The following CDH13 variants were observed in gnomAD, a reference collection of about 807,000 sequenced individuals.
CDH13 encodes the protein cadherin-13.
A neutral mutation model predicts 63.8 loss-of-function variants in CDH13; 24 were observed. The ratio of observed to expected loss-of-function variants is 0.38; its 90% confidence interval spans 0.27 to 0.53. The LOEUF (loss-of-function observed/expected upper bound fraction) is 0.53. Ranked by LOEUF, CDH13 falls within the 20% of genes least tolerant of loss-of-function variation. The pLI, the probability that CDH13 is intolerant of heterozygous loss-of-function variation, is 0.85. For missense variants in CDH13, 1,049 were observed against 903.1 expected (o/e 1.16, Z -2.07); for synonymous variants, 503 against 355.3 (o/e 1.42, Z -4.67).
intron 8 of CDH13, among the ~76,000 whole-genome samples, chr16:83,647,674 T>C (rs1911964732): frequency 6.6e-6 from 1 of 152,204 alleles, no homozygotes; most frequent in South Asian, 2.1e-4. Flanking sequence ...TCGGGGATTA[T>C]CTAGAATATG....
intron 7 of CDH13, among the ~76,000 whole-genome samples, chr16:83,516,317 C>G (rs988358099): frequency 6.6e-6 from 1 of 152,026 alleles, no homozygotes; most frequent in Non-Finnish European, 1.5e-5. Flanking sequence ...GTGGGGGCAC[C>G]CTATAATTTT....
intron 6 of CDH13, among the ~76,000 whole-genome samples, chr16:83,471,041 A>C (rs71402081): frequency 0.13 from 19,500 of 151,932 alleles, 1,417 homozygotes; most frequent in African/African-American, 0.17. Context: ...GTCTCCAGAT[A>C]TCTTTCTTTG....
intron 4 of CDH13, 124 bp from the exon 5 acceptor site, chr16:83,217,221 G>A: frequency 3.5e-6 from 3 of 853,654 alleles, no homozygotes; most frequent in South Asian, 1.6e-5. Context: ...AGTCAAATCT[G>A]TGTTCACCAG....
At chr16:82,796,435 C>G (rs2036584818) in intron 1 of CDH13, among the ~76,000 whole-genome samples, 1 of 152,194 alleles carries the variant, frequency 6.6e-6, no homozygotes, top group African/African-American at 2.4e-5. Context: ...TACTGAATTC[C>G]TGTTCTGGGC....
At chr16:83,208,128 T>C (rs564677484) in intron 4 of CDH13, among the ~76,000 whole-genome samples, 1 of 152,270 alleles carries the variant, frequency 6.6e-6, no homozygotes. Flanking sequence ...GCACTGCTGA[T>C]TGATAAGGTG....
intron 5 of CDH13, among the ~76,000 whole-genome samples, chr16:83,228,392 A>G (rs1039036967): frequency 1.3e-5 from 2 of 152,144 alleles, no homozygotes; most frequent in Non-Finnish European, 2.9e-5. Flanking sequence ...AGTATTCATC[A>G]GGTTTGGATA....
intron 6 of CDH13, among the ~76,000 whole-genome samples, chr16:83,407,443 G>A (rs2092064467): frequency 2.6e-5 from 4 of 152,162 alleles, no homozygotes; most frequent in Admixed American, 2.6e-4. Context: ...TGTCCAGGCT[G>A]CTAAAGCAGA....
chr16:83,323,269 G>A (rs1306409813), intron 5 of CDH13, among the ~76,000 whole-genome samples: 1 of 53,074 alleles, frequency 1.9e-5, no homozygotes, highest in African/African-American at 8.0e-5. Context: ...CATCTTTCTT[G>A]TTTTCTTTTT....
At chr16:83,675,479 C>A (rs1567506998) in intron 9 of CDH13, among the ~76,000 whole-genome samples, 1 of 152,166 alleles carries the variant, frequency 6.6e-6, no homozygotes, top group Non-Finnish European at 1.5e-5. Flanking sequence ...GAGTGTCAGC[C>A]TGGGAACATA....
chr16:83,674,504 C>T (rs765208505), intron 9 of CDH13, among the ~76,000 whole-genome samples: 6 of 152,238 alleles, frequency 3.9e-5, no homozygotes, highest in Non-Finnish European at 7.3e-5. Context: ...CAATGACATA[C>T]GTTCTTCCTT....
chr16:82,835,598 C>G (rs996350340), intron 1 of CDH13, among the ~76,000 whole-genome samples: 6 of 152,180 alleles, frequency 3.9e-5, no homozygotes, highest in Non-Finnish European at 8.8e-5. Context: ...ATTTAACACG[C>G]CAGGGGCAGT....
intron 7 of CDH13, chr16:83,508,500 T>G (rs981192411): frequency 7.9e-5 from 12 of 152,780 alleles, no homozygotes; most frequent in African/African-American, 2.9e-4. Context: ...GCCTGGACTT[T>G]CCTCTGACCA....
chr16:83,121,703 G>A (rs758293364), intron 3 of CDH13, among the ~76,000 whole-genome samples: 51 of 152,136 alleles, frequency 3.4e-4, no homozygotes, highest in Non-Finnish European at 6.5e-4. Flanking sequence ...CTCACTAAAC[G>A]TCTTCCTTCA....
intron 10 of CDH13, among the ~76,000 whole-genome samples, chr16:83,684,222 C>G (rs985929431): frequency 2.0e-5 from 3 of 152,054 alleles, no homozygotes; most frequent in Admixed American, 2.0e-4. Context: ...CAAAAATTAG[C>G]TGGGCATGGT....
At chr16:83,278,900 A>G (rs2089075841) in intron 5 of CDH13, among the ~76,000 whole-genome samples, 1 of 152,182 alleles carries the variant, frequency 6.6e-6, no homozygotes, top group Admixed American at 6.5e-5. Context: ...TAGTCTCATA[A>G]TCAGTCTTAT....
chr16:83,080,879 T>TGTTTTTTG (rs1230536701), intron 3 of CDH13, among the ~76,000 whole-genome samples: 1 of 110,626 alleles, frequency 9.0e-6, no homozygotes. Context: ...GTGTTTTTTT[T>TGTTTTTTG]TTTTTTTTTT....
intron 1 of CDH13, among the ~76,000 whole-genome samples, chr16:82,807,465 A>G (rs1446213785): frequency 6.6e-6 from 1 of 152,120 alleles, no homozygotes; most frequent in African/African-American, 2.4e-5. Flanking sequence ...GATCAAGGGG[A>G]AGGGTCAGAG....
At chr16:83,131,201 C>T (rs972540376) in intron 4 of CDH13, among the ~76,000 whole-genome samples, 2 of 132,104 alleles carry the variant, frequency 1.5e-5, no homozygotes. Flanking sequence ...CCCCCCCCCC[C>T]GCCCACAGAC....
intron 8 of CDH13, among the ~76,000 whole-genome samples, chr16:83,656,487 T>C (rs1434787597): frequency 1.3e-5 from 2 of 152,080 alleles, no homozygotes; most frequent in African/African-American, 2.4e-5. Flanking sequence ...AGTGTGTGAT[T>C]CCTCAGTAGA....
Sources: allele counts gnomAD v4.1 joint callset (sites outside exome capture counted in the v4.1 genomes callset), GRCh38; gene constraint gnomAD v4.1.1; transcripts MANE v1.5; gene names NCBI Gene and HGNC (gene_info 2026-07-23, HGNC 2026-07-21).